Variants in IMMP2L observed in about 807,000 individuals in gnomAD.
IMMP2L encodes the protein mitochondrial inner membrane protease subunit 2.
Under a neutral mutation model 19.3 loss-of-function variants are expected in IMMP2L, and 18 were observed. The observed-to-expected ratio is 0.93, with a 90% confidence interval of 0.64 to 1.38. The LOEUF (loss-of-function observed/expected upper bound fraction) is 1.38. Among genes scored for constraint, IMMP2L ranks in the 40% most tolerant of loss-of-function variants. The pLI is 0.00. For missense variants in IMMP2L, 233 were observed against 218.2 expected (o/e 1.07, Z -0.43); for synonymous variants, 76 against 73.0 (o/e 1.04, Z -0.21).
At chr7:111,195,871 C>CATTT (rs1428884741) in intron 3 of IMMP2L, among the ~76,000 whole-genome samples, 1 of 22,148 alleles carries the variant, frequency 4.5e-5, no homozygotes, top group African/African-American at 1.9e-4. Context: ...TTTGCTCTAT[C>CATTT]ATTTCATTTC....
At position 111,117,843 on chromosome 7, in the gene IMMP2L, T is replaced by G. The variant is rs372970318; in HGVS notation, c.240-154278A>C. ...TTTTTTTCTTCACCAATTTTTCAACTTAAGTATCAAAATGTTTCTTTTCCT... is the reference window on the plus strand; with the variant it reads ...TTTTTTTCTTCACCAATTTTTCAACGTAAGTATCAAAATGTTTCTTTTCCT... On this transcript the variant is annotated intron_variant, in intron 3 of 5. Transcript: ENST00000405709. Among the ~76,000 whole-genome samples the G allele has an allele frequency of 1.8e-3, 275 of 152,246 alleles. 1 individual carries two copies. Among genetic ancestry groups the G allele is most frequent in the African/African-American group, 6.5e-3 (270 of 41,576 alleles).
intron 3 of IMMP2L, among the ~76,000 whole-genome samples, chr7:111,284,433 G>A (rs1043807221): frequency 1.3e-5 from 2 of 152,112 alleles, no homozygotes; most frequent in African/African-American, 4.8e-5. Flanking sequence ...TGGAGAGAGG[G>A]AGTAGGACTG....
At chr7:111,210,624 T>A (rs972582984) in intron 3 of IMMP2L, among the ~76,000 whole-genome samples, 1 of 152,034 alleles carries the variant, frequency 6.6e-6, no homozygotes, top group African/African-American at 2.4e-5. Context: ...CTAGTTTTAC[T>A]ACCTGGTTAA....
At chr7:110,746,493 C>T (rs531054805) in intron 5 of IMMP2L, among the ~76,000 whole-genome samples, 82 of 152,214 alleles carry the variant, frequency 5.4e-4, no homozygotes, top group African/African-American at 1.7e-3. Context: ...TAAAATTTAC[C>T]GCATAATTGG....
chr7:110,872,905 A>G (rs1418620194), intron 5 of IMMP2L, among the ~76,000 whole-genome samples: 5 of 152,168 alleles, frequency 3.3e-5, no homozygotes, highest in South Asian at 2.1e-4. Flanking sequence ...AAGGCCTTGG[A>G]GTGGAAGCAA....
intron 4 of IMMP2L, among the ~76,000 whole-genome samples, chr7:110,939,465 T>C (rs905452062): frequency 2.0e-5 from 3 of 151,318 alleles, no homozygotes; most frequent in Non-Finnish European, 2.9e-5. Flanking sequence ...AGTAATAAGA[T>C]TTTTTGTGCT....
chr7:111,464,865 T>C (rs537453868), intron 3 of IMMP2L, among the ~76,000 whole-genome samples: 1 of 152,244 alleles, frequency 6.6e-6, no homozygotes, highest in East Asian at 1.9e-4. Context: ...CTCGCCTCAC[T>C]GCAAGCTCCG....
At chr7:111,392,263 C>G (rs1449679335) in intron 3 of IMMP2L, among the ~76,000 whole-genome samples, 2 of 152,074 alleles carry the variant, frequency 1.3e-5, no homozygotes, top group African/African-American at 4.8e-5. Context: ...TTTTCCTATT[C>G]TAGCCACATA....
At chr7:111,323,274 G>A (rs1430509602) in intron 3 of IMMP2L, among the ~76,000 whole-genome samples, 1 of 151,892 alleles carries the variant, frequency 6.6e-6, no homozygotes, top group Non-Finnish European at 1.5e-5. Flanking sequence ...AATCTACAAT[G>A]AACTCAAACA....
chr7:110,693,834 T>TTTG (rs749916950), intron 5 of IMMP2L, among the ~76,000 whole-genome samples: 91 of 152,160 alleles, frequency 6.0e-4, no homozygotes, highest in African/African-American at 1.9e-3. Flanking sequence ...TCAGTTTTGT[T>TTTG]TTGTTGTTGT....
intron 3 of IMMP2L, among the ~76,000 whole-genome samples, chr7:111,116,674 A>T (rs1799916969): frequency 6.6e-6 from 1 of 152,172 alleles, no homozygotes; most frequent in Non-Finnish European, 1.5e-5. Flanking sequence ...ACATAGCAAA[A>T]CTAGGCCTAG....
intron 5 of IMMP2L, among the ~76,000 whole-genome samples, chr7:110,676,767 A>G (rs1483737540): frequency 6.6e-6 from 1 of 152,180 alleles, no homozygotes; most frequent in Non-Finnish European, 1.5e-5. Flanking sequence ...CAGTCTCAAA[A>G]GTATTTTTAA....
intron 5 of IMMP2L, among the ~76,000 whole-genome samples, chr7:110,719,881 A>C (rs564367151): frequency 6.6e-6 from 1 of 152,306 alleles, no homozygotes; most frequent in East Asian, 1.9e-4. Flanking sequence ...ACTATTTATA[A>C]CATTTCTGTA....
rs1341843329 is a variant in IMMP2L at position 111,438,491 on chromosome 7, G to A, written c.239+48747C>T. On this transcript the variant is annotated intron_variant, in intron 3 of 5. Coordinates refer to ENST00000405709, the MANE Select transcript of IMMP2L (RefSeq NM_032549.4). ...TATAACAACTTCTGACAATCCTCTA[G>A]AGAACAAAAATTCACTTTTAATCAA... 2.0e-5 allele frequency among the ~76,000 whole-genome samples: 3 copies of A among 151,792 alleles called. No homozygotes were observed. In the East Asian group the frequency reaches 5.8e-4, roughly 29 times the overall value.
chr7:110,726,940 AAAG>A (rs1430558929), intron 5 of IMMP2L, among the ~76,000 whole-genome samples: 2 of 152,242 alleles, frequency 1.3e-5, no homozygotes, highest in East Asian at 3.8e-4. Context: ...TGGTCATGTC[AAAG>A]AAGATCATCT....
At chr7:111,183,491 A>G (rs574896461) in intron 3 of IMMP2L, among the ~76,000 whole-genome samples, 2 of 152,164 alleles carry the variant, frequency 1.3e-5, no homozygotes, top group South Asian at 4.1e-4. Flanking sequence ...TCTTGGCTTC[A>G]TTTTACTGGG....
At chr7:111,377,642 C>T (rs1239146169) in intron 3 of IMMP2L, among the ~76,000 whole-genome samples, 2 of 151,922 alleles carry the variant, frequency 1.3e-5, no homozygotes, top group South Asian at 2.1e-4. Flanking sequence ...CCTATTTATT[C>T]GGCTTGGCTT....
intron 3 of IMMP2L, among the ~76,000 whole-genome samples, chr7:111,471,018 T>C (rs1841211755): frequency 6.6e-6 from 1 of 152,084 alleles, no homozygotes; most frequent in Non-Finnish European, 1.5e-5. Flanking sequence ...GAAGAATTCA[T>C]ACTGTCCATT....
At chr7:110,852,924 A>G (rs866031450) in intron 5 of IMMP2L, among the ~76,000 whole-genome samples, 1 of 152,066 alleles carries the variant, frequency 6.6e-6, no homozygotes, top group South Asian at 2.1e-4. Flanking sequence ...CAGATGATAC[A>G]AAAGTGGAGC....
Sources: gnomAD v4.1 joint callset for allele counts (sites outside exome capture counted in the v4.1 genomes callset) on GRCh38, gnomAD v4.1.1 for gene constraint, MANE v1.5 for transcripts, NCBI Gene and HGNC (gene_info 2026-07-23, HGNC 2026-07-21) for gene names.